The following SMYD3 variants were observed in gnomAD, a reference collection of about 807,000 sequenced individuals.
SMYD3 encodes histone-lysine N-methyltransferase SMYD3.
Under a neutral mutation model 57.7 loss-of-function variants are expected in SMYD3, and 36 were observed. The ratio of observed to expected loss-of-function variants is 0.62; its 90% CI spans 0.48 to 0.82. The LOEUF is 0.82. SMYD3 is among the 40% of genes least tolerant of loss of function. SMYD3 has a pLI of 0.00. For missense variants in SMYD3, 515 were observed against 538.8 expected (o/e 0.96, Z 0.44); for synonymous variants, 211 against 195.0 (o/e 1.08, Z -0.68).
chr1:245,778,181 T>A (rs1414532052), intron 10 of SMYD3, among the ~76,000 whole-genome samples: 1 of 152,142 alleles, frequency 6.6e-6, no homozygotes, highest in Non-Finnish European at 1.5e-5. Context: ...TTTCCAAAAT[T>A]TATATGGAAA....
chr1:246,232,526 C>A (rs2063429632), intron 5 of SMYD3, among the ~76,000 whole-genome samples: 1 of 149,160 alleles, frequency 6.7e-6, no homozygotes, highest in African/African-American at 2.4e-5. Context: ...TCCTTCAATC[C>A]ACACTGTGAT....
chr1:246,291,952 C>A (rs566071120), intron 5 of SMYD3, among the ~76,000 whole-genome samples: 12 of 152,064 alleles, frequency 7.9e-5, no homozygotes, highest in African/African-American at 2.4e-4. Flanking sequence ...GACTTACTAT[C>A]CAACACACCA....
chr1:246,261,293 A>C (rs2064006360), intron 5 of SMYD3, among the ~76,000 whole-genome samples: 1 of 150,722 alleles, frequency 6.6e-6, no homozygotes, highest in African/African-American at 2.4e-5. Flanking sequence ...TCCTGACCTC[A>C]GGATCCACCC....
At chr1:246,269,255 C>T (rs932975688) in intron 5 of SMYD3, among the ~76,000 whole-genome samples, 1 of 152,174 alleles carries the variant, frequency 6.6e-6, no homozygotes, top group Non-Finnish European at 1.5e-5. Context: ...CGACTAACAA[C>T]ACAGCAAGAG....
At chr1:246,231,740 A>C (rs2063411468) in intron 5 of SMYD3, among the ~76,000 whole-genome samples, 1 of 152,214 alleles carries the variant, frequency 6.6e-6, no homozygotes, top group South Asian at 2.1e-4. Flanking sequence ...ATGAATGATA[A>C]TTACTGCTTT....
At chr1:246,034,632 G>A (rs913319961) in intron 5 of SMYD3, 2 of 154,464 alleles carry the variant, frequency 1.3e-5, no homozygotes, top group Admixed American at 1.3e-4. Flanking sequence ...AGAAGAGGTG[G>A]AGGTGAGCAT....
intron 5 of SMYD3, among the ~76,000 whole-genome samples, chr1:246,299,475 A>G (rs941494248): frequency 1.3e-5 from 2 of 152,216 alleles, no homozygotes; most frequent in Non-Finnish European, 2.9e-5. Flanking sequence ...CATTTGACCC[A>G]GCAATCCCAT....
chr1:246,020,762 T>C (rs1240881027), intron 5 of SMYD3, among the ~76,000 whole-genome samples: 1 of 152,146 alleles, frequency 6.6e-6, no homozygotes, highest in Non-Finnish European at 1.5e-5. Context: ...GGAGTGTGAA[T>C]AGGTTTTTCT....
intron 5 of SMYD3, among the ~76,000 whole-genome samples, chr1:246,135,377 A>G (rs2061651544): frequency 6.6e-6 from 1 of 152,162 alleles, no homozygotes; most frequent in Non-Finnish European, 1.5e-5. Flanking sequence ...TCTGGAAGCT[A>G]TCCCAGTGTG....
At chr1:246,077,980 C>A (rs1410574285) in intron 5 of SMYD3, among the ~76,000 whole-genome samples, 1 of 151,970 alleles carries the variant, frequency 6.6e-6, no homozygotes, top group African/African-American at 2.4e-5. Context: ...TTATTGTTGA[C>A]ATTCAGTAAA....
chr1:245,920,965 C>T (rs1359429787), intron 7 of SMYD3, among the ~76,000 whole-genome samples: 1 of 152,152 alleles, frequency 6.6e-6, no homozygotes, highest in Non-Finnish European at 1.5e-5. Flanking sequence ...AGAGTTTCTG[C>T]ACAGCAAGAG....
chr1:246,358,445 A>G (rs1483747450), intron 1 of SMYD3, among the ~76,000 whole-genome samples: 1 of 152,178 alleles, frequency 6.6e-6, no homozygotes, highest in Non-Finnish European at 1.5e-5. Context: ...GACTTAAACT[A>G]TACCCTAGAA....
chr1:245,836,380 T>C (rs917459612), intron 10 of SMYD3, among the ~76,000 whole-genome samples: 2 of 152,220 alleles, frequency 1.3e-5, no homozygotes, highest in Non-Finnish European at 2.9e-5. Flanking sequence ...GGTCCTGAAC[T>C]GACCATGCAC....
chr1:246,135,608 T>C (rs1372934964), intron 5 of SMYD3, among the ~76,000 whole-genome samples: 1 of 152,082 alleles, frequency 6.6e-6, no homozygotes, highest in African/African-American at 2.4e-5. Context: ...TAAAGCTTCA[T>C]AATTAAAATG....
At chr1:245,922,655 G>A (rs2056061035) in intron 7 of SMYD3, among the ~76,000 whole-genome samples, 1 of 151,086 alleles carries the variant, frequency 6.6e-6, no homozygotes, top group Non-Finnish European at 1.5e-5. Context: ...TTTCCCTTCA[G>A]GAAACTCTAA....
chr1:246,190,853 G>A (rs1357877524), intron 5 of SMYD3, among the ~76,000 whole-genome samples: 1 of 152,038 alleles, frequency 6.6e-6, no homozygotes, highest in Non-Finnish European at 1.5e-5. Context: ...CAACATCAAA[G>A]TAGAACAGAA....
At chr1:246,321,432 A>G (rs1390914358) in intron 5 of SMYD3, among the ~76,000 whole-genome samples, 1 of 152,178 alleles carries the variant, frequency 6.6e-6, no homozygotes, top group Non-Finnish European at 1.5e-5. Context: ...AGATGGAGAG[A>G]ATTTTATTTA....
intron 1 of SMYD3, among the ~76,000 whole-genome samples, chr1:246,400,372 C>G (rs899092483): frequency 6.6e-6 from 1 of 152,150 alleles, no homozygotes; most frequent in African/African-American, 2.4e-5. Flanking sequence ...ACTTGCATTT[C>G]AACATTTTAT....
chr1:246,273,987 T>C (rs1353063411), intron 5 of SMYD3, among the ~76,000 whole-genome samples: 4 of 152,186 alleles, frequency 2.6e-5, no homozygotes, highest in Admixed American at 6.5e-5. Context: ...TATCTAGTTA[T>C]TTCACTTTAA....
Sources: gnomAD v4.1 joint callset for allele counts (sites outside exome capture counted in the v4.1 genomes callset) on GRCh38, gnomAD v4.1.1 for gene constraint, MANE v1.5 for transcripts, NCBI Gene and HGNC (gene_info 2026-07-23, HGNC 2026-07-21) for gene names.